Variants in MACROD2 observed in about 807,000 individuals in gnomAD.
MACROD2 encodes the protein mono-ADP ribosylhydrolase 2, also known as ADP-ribose glycohydrolase MACROD2.
Under a neutral mutation model 70.4 loss-of-function variants are expected in MACROD2, and 36 were observed. That is an observed-to-expected ratio of 0.51 (90% CI 0.39 to 0.68). The LOEUF (loss-of-function observed/expected upper bound fraction) is 0.68. Ranked by LOEUF, MACROD2 falls within the 30% of genes least tolerant of loss-of-function variation. The probability of loss-of-function intolerance (pLI) is 0.00; values close to 1 mark genes in which losing one functional copy is unlikely to be tolerated. For synonymous variants in MACROD2, 172 were observed against 178.8 expected (o/e 0.96, Z 0.30); for missense variants, 496 against 538.4 (o/e 0.92, Z 0.78).
At chr20:14,233,718 AGAAAAG>A (rs2081842552) in intron 3 of MACROD2, among the ~76,000 whole-genome samples, 1 of 117,800 alleles carries the variant, frequency 8.5e-6, no homozygotes, top group Admixed American at 1.1e-4. Context: ...AAAAAAGAAA[AGAAAAG>A]AAAAGAAATG....
chr20:15,972,542 G>T (rs2066246891), intron 13 of MACROD2, among the ~76,000 whole-genome samples: 1 of 152,224 alleles, frequency 6.6e-6, no homozygotes, highest in African/African-American at 2.4e-5. Context: ...AGGCACAGTG[G>T]CTTACGCCAG....
intron 3 of MACROD2, among the ~76,000 whole-genome samples, chr20:14,413,195 G>T (rs1216135034): frequency 1.4e-5 from 2 of 145,310 alleles, no homozygotes; most frequent in East Asian, 2.0e-4. Context: ...CTTTACCACT[G>T]TTTTTTTTTT....
chr20:14,891,241 A>G lies in MACROD2; in HGVS notation c.418+206282A>G, dbSNP rs556045895. On this transcript the variant is annotated intron_variant, in intron 5 of 17. Coordinates refer to ENST00000684519, the MANE Select transcript of MACROD2 (RefSeq NM_001351661.2). ...TCCAAAACTGGCATGAATTTTAATTATCCTGAGATTTCACTTGGGAATAAA... is the reference window on the plus strand; with the variant it reads ...TCCAAAACTGGCATGAATTTTAATTGTCCTGAGATTTCACTTGGGAATAAA... Among the ~76,000 whole-genome samples the G allele has an allele frequency of 3.3e-5, 5 of 152,278 alleles. No individual in the cohort carries two copies. The South Asian group carries it at 1.0e-3, about 32-fold the overall frequency.
chr20:14,945,085 C>T (rs1394813252), intron 5 of MACROD2, among the ~76,000 whole-genome samples: 1 of 151,944 alleles, frequency 6.6e-6, no homozygotes, highest in African/African-American at 2.4e-5. Flanking sequence ...TCTTTGAAGT[C>T]CTAATGGCTA....
chr20:14,601,289 C>T (rs1025322974), intron 4 of MACROD2, among the ~76,000 whole-genome samples: 1 of 152,072 alleles, frequency 6.6e-6, no homozygotes, highest in East Asian at 1.9e-4. Flanking sequence ...ATTAGATTCT[C>T]ATAAGGAGCA....
chr20:14,445,315 A>C (rs1472283921), intron 3 of MACROD2, among the ~76,000 whole-genome samples: 1 of 152,104 alleles, frequency 6.6e-6, no homozygotes, highest in African/African-American at 2.4e-5. Flanking sequence ...AGCACTCATT[A>C]AATATTTCTT....
intron 4 of MACROD2, among the ~76,000 whole-genome samples, chr20:14,677,915 A>T (rs572560496): frequency 9.9e-5 from 15 of 152,116 alleles, no homozygotes; most frequent in Non-Finnish European, 1.9e-4. Context: ...GCACAAGTTT[A>T]AAAAAAACAG....
chr20:14,010,896 C>G (rs992634275), intron 2 of MACROD2, among the ~76,000 whole-genome samples: 1 of 152,130 alleles, frequency 6.6e-6, no homozygotes, highest in Non-Finnish European at 1.5e-5. Context: ...AAAGTTTTCT[C>G]CAGCATGAAT....
In MACROD2 at chr20:14,777,259, T is replaced by A. The variant is rs528182708; in HGVS notation, c.418+92300T>A. ...TCATTTTACATTTCCACCAGCTGTG[T>A]ACTGGGTTGTTTTCAATGATTATTG... On this transcript the variant is annotated intron_variant, in intron 5 of 17. Coordinates refer to ENST00000684519, the MANE Select transcript of MACROD2 (RefSeq NM_001351661.2). Among the ~76,000 whole-genome samples the A allele has an allele frequency of 2.3e-4, 35 of 152,150 alleles. 1 individual carries two copies. The highest frequency in any genetic ancestry group is 8.0e-4 in the African/African-American group (33 of 41,470).
chr20:14,284,916 T>C (rs1601435258), intron 3 of MACROD2, among the ~76,000 whole-genome samples: 1 of 152,194 alleles, frequency 6.6e-6, no homozygotes. Context: ...TATAACAAAC[T>C]CTTGATTATA....
At chr20:14,704,588 C>G (rs556296744) in intron 5 of MACROD2, among the ~76,000 whole-genome samples, 1 of 152,254 alleles carries the variant, frequency 6.6e-6, no homozygotes, top group East Asian at 1.9e-4. Context: ...AGATATCCAC[C>G]TATTCAAATC....
intron 10 of MACROD2, among the ~76,000 whole-genome samples, chr20:15,909,775 A>G (rs370922430): frequency 1.3e-5 from 2 of 152,042 alleles, no homozygotes; most frequent in Admixed American, 1.3e-4. Context: ...CGCCCGCCTC[A>G]GCCTCCCAAA....
intron 4 of MACROD2, among the ~76,000 whole-genome samples, chr20:14,512,291 C>A (rs1279471933): frequency 2.6e-5 from 4 of 151,686 alleles, no homozygotes; most frequent in Non-Finnish European, 5.9e-5. Flanking sequence ...GAAGCATTCC[C>A]CATCTGTCAT....
chr20:15,492,528 G>A (rs1370327102), intron 7 of MACROD2, among the ~76,000 whole-genome samples: 1 of 152,180 alleles, frequency 6.6e-6, no homozygotes, highest in Admixed American at 6.5e-5. Flanking sequence ...TGTGTGCTAA[G>A]ATGGAAAAAT....
chr20:14,129,611 A>G (rs898212528), intron 3 of MACROD2, among the ~76,000 whole-genome samples: 2 of 152,216 alleles, frequency 1.3e-5, no homozygotes, highest in Non-Finnish European at 2.9e-5. Flanking sequence ...AAATGCTATT[A>G]AATAGCATGA....
Position 15,532,413 on chromosome 20 carries a change from G to A in MACROD2, c.645+32566G>A, listed in dbSNP as rs562552503. Among the ~76,000 whole-genome samples, 4 of 151,838 alleles carry A rather than the reference G, an allele frequency of 2.6e-5. No homozygotes were observed. The East Asian group carries it at 7.8e-4, about 29-fold the overall frequency. On this transcript the variant is annotated intron_variant, in intron 8 of 17. Coordinates refer to ENST00000684519, the MANE Select transcript of MACROD2 (RefSeq NM_001351661.2). ...TACTTTTTTTGTCTTTTTATTTTAT[G>A]CCAGAATCATGATTTAGACAAAATA...
At chr20:15,740,490 G>GAAGA (rs1203177232) in intron 8 of MACROD2, among the ~76,000 whole-genome samples, 2 of 152,116 alleles carry the variant, frequency 1.3e-5, no homozygotes, top group African/African-American at 4.8e-5. Flanking sequence ...AGGAAGTGAG[G>GAAGA]AAGAAACACT....
At chr20:14,422,777 G>A (rs2083889838) in intron 3 of MACROD2, among the ~76,000 whole-genome samples, 3 of 152,040 alleles carry the variant, frequency 2.0e-5, no homozygotes, top group African/African-American at 7.2e-5. Context: ...AAATAATGTG[G>A]AAAATAAAAA....
intron 5 of MACROD2, among the ~76,000 whole-genome samples, chr20:14,768,603 G>A (rs1291902798): frequency 6.6e-6 from 1 of 151,936 alleles, no homozygotes; most frequent in Non-Finnish European, 1.5e-5. Flanking sequence ...ACAGGTATGA[G>A]CCACTGTGCC....
Sources: gnomAD v4.1 joint callset for allele counts (sites outside exome capture counted in the v4.1 genomes callset) on GRCh38, gnomAD v4.1.1 for gene constraint, MANE v1.5 for transcripts, NCBI Gene and HGNC (gene_info 2026-07-23, HGNC 2026-07-21) for gene names.